The following UGT1A5 variants were observed in gnomAD, a reference collection of about 807,000 sequenced individuals.
UGT1A5 encodes UDP glucuronosyltransferase family 1 member A5.
A neutral mutation model predicts 40.3 loss-of-function variants in UGT1A5; 29 were observed. That is an observed-to-expected ratio of 0.72 (90% confidence interval 0.54 to 0.98). The LOEUF (loss-of-function observed/expected upper bound fraction) is 0.98, where lower values mean the gene tolerates loss of function less well. Ranked by LOEUF, UGT1A5 falls within the 50% of genes least tolerant of loss-of-function variation. The pLI is 0.00. For synonymous variants in UGT1A5, 257 were observed against 262.5 expected (o/e 0.98, Z 0.20); for missense variants, 678 against 677.9 (o/e 1.00, Z 0.00).
At chr2:233,723,204 CA>C (rs978945300) in intron 1 of UGT1A5, among the ~76,000 whole-genome samples, 1 of 125,334 alleles carries the variant, frequency 8.0e-6, no homozygotes, top group African/African-American at 3.4e-5. Context: ...TAAAAAAAGT[CA>C]AAACTGACTT....
chr2:233,768,255 G>A lies in UGT1A5; in HGVS notation c.1123G>A (p.Gly375Ser), dbSNP rs1276913504. The A allele has an allele frequency of 1.2e-6, 2 of 1,614,166 alleles. No homozygotes were observed. Among genetic ancestry groups the A allele is most frequent in the Non-Finnish European group, 8.5e-7 (1 of 1,180,040 alleles). ...PMTRAFITHAGSHGVYESICN... is the reference protein window; with the variant it reads ...PMTRAFITHASSHGVYESICN... Reference sequence around the variant, plus strand: ...GACCCGTGCCTTTATCACCCATGCTGGTTCCCATGGTGTTTATGAAAGCAT... The same window carrying A: ...GACCCGTGCCTTTATCACCCATGCTAGTTCCCATGGTGTTTATGAAAGCAT... The change falls in exon 4 of 5, where the codon GGT becomes AGT. Residue 375 changes from glycine to serine, a missense_variant. Gly to Ser is a moderately conservative substitution (Grantham distance 56, BLOSUM62 0). Coordinates refer to ENST00000373414, the MANE Select transcript of UGT1A5 (RefSeq NM_019078.2).
chr2:233,719,056 C>G, intron 1 of UGT1A5: 1 of 1,614,284 alleles, frequency 6.2e-7, no homozygotes, highest in Middle Eastern at 1.6e-4. Context: ...ACCCTGACAG[C>G]CTATGCTGTT....
At position 233,758,625 on chromosome 2, in the gene UGT1A5, A is replaced by AC. The variant is rs554859025; in HGVS notation, c.868-8407dup. ...TTCAGTGTGCATGTGCATGCAAAGT[A>AC]CCTACTCTAAGGAGAAGAATGAGAG... On this transcript the variant is annotated intron_variant, in intron 1 of 4. Transcript: ENST00000373414. Among the ~76,000 whole-genome samples the AC allele has an allele frequency of 6.6e-5, 10 of 152,284 alleles. No individual in the cohort carries two copies. The South Asian group carries it at 2.1e-3, about 32-fold the overall frequency.
rs910583774 is a variant in UGT1A5 at position 233,730,144 on chromosome 2, T to G, written c.867+16286T>G. The G allele has an allele frequency of 2.1e-5, 31 of 1,508,278 alleles. No individual in the cohort carries two copies. In the East Asian group the frequency reaches 2.9e-4, roughly 14 times the overall value. 93.4% of individuals were successfully genotyped at this position (1,508,278 alleles called of 1,614,324 possible). On this transcript the variant is annotated intron_variant, in intron 1 of 4. Transcript: ENST00000373414. ...CATAATAGCCTTCAGTGAGATAAAC[T>G]GTTAAGGGGTCTCTAGTAGCGTATT...
intron 2 of UGT1A5, among the ~76,000 whole-genome samples, chr2:233,767,485 A>G (rs764164317): frequency 5.9e-4 from 90 of 152,344 alleles, no homozygotes; most frequent in Non-Finnish European, 1.1e-3. Flanking sequence ...AAATAGAAGT[A>G]TTTCTCCAAA....
chr2:233,743,469 A>T, intron 1 of UGT1A5: 3 of 1,366,764 alleles, frequency 2.2e-6, no homozygotes, highest in Non-Finnish European at 2.9e-6. Flanking sequence ...CACCCCCAAA[A>T]GCTGGAAATT....
chr2:233,738,593 G>A (rs971554241), intron 1 of UGT1A5, among the ~76,000 whole-genome samples: 1 of 152,204 alleles, frequency 6.6e-6, no homozygotes, highest in Non-Finnish European at 1.5e-5. Context: ...GGTCACTCTT[G>A]CTAAGCTTTA....
At chr2:233,747,810 A>G (rs1693783178) in intron 1 of UGT1A5, 1 of 1,613,368 alleles carries the variant, frequency 6.2e-7, no homozygotes, top group South Asian at 1.1e-5. Flanking sequence ...GTTACTAACG[A>G]CCAATTCAGA....
rs28934877 is a variant in UGT1A5 at position 233,768,333 on chromosome 2, A to G, written c.1201A>G (p.Asn401Asp). The G allele has an allele frequency of 9.9e-6, 16 of 1,614,100 alleles. No homozygotes were observed. The highest frequency in any genetic ancestry group is 1.2e-5 in the Non-Finnish European group (14 of 1,180,052). Residue 401 changes from asparagine (N) to aspartate (D), a missense_variant, in exon 4 of 5, where the codon AAT becomes GAT. Coordinates refer to ENST00000373414, the MANE Select transcript of UGT1A5 (RefSeq NM_019078.2). Reference sequence around the variant, plus strand: ...GCCCTTGTTTGGTGATCAGATGGACAATGCAAAGCGCATGGAGACTAAGGG... The same window carrying G: ...GCCCTTGTTTGGTGATCAGATGGACGATGCAAAGCGCATGGAGACTAAGGG... ...MMPLFGDQMD[N>D]AKRMETKGAG...
Position 233,769,525 on chromosome 2 carries a change from C to T in UGT1A5, c.1307+1086C>T. On this transcript the variant is annotated intron_variant, in intron 4 of 4. Transcript: ENST00000373414. The surrounding 1 kb of genome is among the most constrained non-coding windows in gnomAD (Gnocchi z 4.4). ...CATTGCTTTCTCCCATGGTTACCTC[C>T]TTTAGAAAGAAGCAGCAGTCAGGAA... 1 of 1,612,854 alleles carries T rather than the reference C, an allele frequency of 6.2e-7. No individual in the cohort carries two copies. Among genetic ancestry groups the T allele is most frequent in the Non-Finnish European group, 8.5e-7 (1 of 1,179,858 alleles).
At position 233,772,394 on chromosome 2, in the gene UGT1A5, C is replaced by T. The variant is rs369610863; in HGVS notation, c.1440C>T (p.His480=). Reference sequence around the variant, plus strand: ...CGCCACACCTGCGCCCCGCAGCCCACGACCTCACCTGGTACCAGTACCATT... The same window carrying T: ...CGCCACACCTGCGCCCCGCAGCCCATGACCTCACCTGGTACCAGTACCATT... ...KGAPHLRPAA[H]DLTWYQYHSL... The change falls in exon 5 of 5, where the codon CAC becomes CAT. Residue 480 remains histidine, a synonymous_variant. Coordinates refer to ENST00000373414, the MANE Select transcript of UGT1A5 (RefSeq NM_019078.2). 1.2e-5 allele frequency: 19 copies of T among 1,614,144 alleles called. No homozygotes were observed. The highest frequency in any genetic ancestry group is 1.2e-4 in the Admixed American group (7 of 60,014).
At chr2:233,718,999 T>G in intron 1 of UGT1A5, 2 of 1,614,228 alleles carry the variant, frequency 1.2e-6, no homozygotes, top group Non-Finnish European at 1.7e-6. Context: ...CAGGCGGTGG[T>G]CCTCACCCCA....
chr2:233,721,978 G>A (rs543425926), intron 1 of UGT1A5: 60 of 269,454 alleles, frequency 2.2e-4, no homozygotes, highest in South Asian at 1.8e-3. Context: ...GATGGCCTGG[G>A]TAGTTTCACG....
At chr2:233,766,404 G>T (rs990056235) in intron 1 of UGT1A5, among the ~76,000 whole-genome samples, 1 of 152,164 alleles carries the variant, frequency 6.6e-6, no homozygotes. Flanking sequence ...GCGTCCCTCC[G>T]CTGATGTGCT....
intron 1 of UGT1A5, among the ~76,000 whole-genome samples, chr2:233,732,755 G>GTTT (rs956485327): frequency 1.7e-5 from 2 of 120,222 alleles, no homozygotes; most frequent in African/African-American, 3.0e-5. Flanking sequence ...CACCAGCTTT[G>GTTT]TTTTTTTTTT....
chr2:233,771,662 C>A (rs1000689194), intron 4 of UGT1A5: 1 of 152,330 alleles, frequency 6.6e-6, no homozygotes, highest in Non-Finnish European at 1.5e-5. Flanking sequence ...AATGAAATTT[C>A]TCACAAAATA....
At chr2:233,762,169 G>A (rs1019594932) in intron 1 of UGT1A5, among the ~76,000 whole-genome samples, 34 of 152,020 alleles carry the variant, frequency 2.2e-4, no homozygotes, top group Non-Finnish European at 2.4e-4. Flanking sequence ...CACTGTATGC[G>A]GCGTCCTCAA....
intron 1 of UGT1A5, among the ~76,000 whole-genome samples, chr2:233,765,522 C>T (rs1046114337): frequency 3.9e-5 from 6 of 151,992 alleles, no homozygotes; most frequent in East Asian, 1.9e-4. Flanking sequence ...AATCAAACAC[C>T]GCATGTTCTC....
In UGT1A5 at chr2:233,724,875, G is replaced by T. The variant is rs4622712; in HGVS notation, c.867+11017G>T. Among the ~76,000 whole-genome samples, 5 of 115,660 alleles carry T rather than the reference G, an allele frequency of 4.3e-5. 1 individual carries two copies. The highest frequency in any genetic ancestry group is 3.3e-4 in the South Asian group (1 of 3,000). The allele number at this position is 115,660 out of a possible 152,430, so 75.9% of individuals were successfully genotyped here. The stretch of plus-strand genomic sequence containing the variant: ...CTGGGAGGTGTAGGTTGTAGTGAGC[G>T]GAGATCACGCCACTGCACTCCAGCC... On this transcript the variant is annotated intron_variant, in intron 1 of 4. Coordinates refer to ENST00000373414, the MANE Select transcript of UGT1A5 (RefSeq NM_019078.2).
Sources: allele counts gnomAD v4.1 joint callset (sites outside exome capture counted in the v4.1 genomes callset), GRCh38; gene constraint gnomAD v4.1.1; non-coding constraint Gnocchi (gnomAD v3.1); transcripts MANE v1.5; gene names NCBI Gene and HGNC (gene_info 2026-07-23, HGNC 2026-07-21).